NRROS: variants seen among roughly 807,000 people sequenced by gnomAD.
NRROS encodes the protein transforming growth factor beta activator LRRC33.
Under a neutral mutation model 12.0 loss-of-function variants are expected in NRROS, and 6 were observed. The observed-to-expected ratio is 0.50, with a 90% CI of 0.27 to 0.98. NRROS has a LOEUF of 0.98. Ranked by LOEUF, NRROS falls within the 50% of genes least tolerant of loss-of-function variation. NRROS has a pLI of 0.11. For synonymous variants in NRROS, 462 were observed against 410.2 expected (o/e 1.13, Z -1.53); for missense variants, 857 against 888.2 (o/e 0.96, Z 0.45).
chr3:196,660,619 G>C lies in NRROS; in HGVS notation c.976G>C (p.Asp326His). Residue 326 changes from aspartate to histidine, a missense_variant, in exon 3 of 3, where the codon GAC becomes CAC. Transcript: ENST00000328557. The surrounding 1 kb of genome is among the most constrained non-coding windows in gnomAD (Gnocchi z 7.7). ...CCTCTGGGAAGAATTCTCCTCCAGCGACCTCGCAGATCTCCGCTTCCTGGA... is the reference window on the plus strand; with the variant it reads ...CCTCTGGGAAGAATTCTCCTCCAGCCACCTCGCAGATCTCCGCTTCCTGGA... The part of the protein sequence containing the change: ...VSLWEEFSSS[D>H]LADLRFLDMS... 1 of 1,614,174 alleles carries C rather than the reference G, an allele frequency of 6.2e-7. No individual in the cohort carries two copies.
At chr3:196,641,760 C>T (rs746607447) in intron 1 of NRROS, among the ~76,000 whole-genome samples, 3 of 152,148 alleles carry the variant, frequency 2.0e-5, no homozygotes, top group East Asian at 1.9e-4. Context: ...ATTCTGGCTG[C>T]GGTGTGCGTC....
At chr3:196,651,278 C>T (rs1737419303) in intron 1 of NRROS, among the ~76,000 whole-genome samples, 1 of 152,106 alleles carries the variant, frequency 6.6e-6, no homozygotes, top group Non-Finnish European at 1.5e-5. Context: ...TGGGTCTTGG[C>T]CATTCTCACA....
At chr3:196,649,886 C>T (rs1455037127) in intron 1 of NRROS, among the ~76,000 whole-genome samples, 3 of 152,148 alleles carry the variant, frequency 2.0e-5, no homozygotes, top group South Asian at 2.1e-4. Context: ...TTCTTAACTA[C>T]GTGGTAACAT....
chr3:196,651,556 C>T (rs1412491337), intron 1 of NRROS, among the ~76,000 whole-genome samples: 1 of 152,132 alleles, frequency 6.6e-6, no homozygotes, highest in African/African-American at 2.4e-5. Context: ...CACCTGAGGT[C>T]ATGAGATTGA....
intron 2 of NRROS, among the ~76,000 whole-genome samples, chr3:196,659,469 G>A (rs567510144): frequency 1.3e-5 from 2 of 151,828 alleles, no homozygotes; most frequent in South Asian, 2.1e-4. Flanking sequence ...CACCACACCC[G>A]GCTAGTTTTT....
chr3:196,660,630 T>G lies in NRROS; in HGVS notation c.987T>G (p.Asp329Glu). 6.2e-7 allele frequency: 1 copy of G among 1,614,188 alleles called. No individual in the cohort carries two copies. Among genetic ancestry groups the G allele is most frequent in the Non-Finnish European group, 8.5e-7 (1 of 1,180,028 alleles). Residue 329 changes from aspartate (D) to glutamate (E), a missense_variant, in exon 3 of 3, where the codon GAT becomes GAG. Transcript: ENST00000328557. This position sits in a 1 kb window ranked among gnomAD's most constrained non-coding sequence, Gnocchi z 7.7. ...AATTCTCCTCCAGCGACCTCGCAGA[T>G]CTCCGCTTCCTGGACATGAGCCAGA... is the stretch of plus-strand genomic sequence containing the variant. ...WEEFSSSDLA[D>E]LRFLDMSQNQ...
intron 2 of NRROS, among the ~76,000 whole-genome samples, chr3:196,657,330 G>C (rs1364512986): frequency 1.3e-5 from 2 of 152,142 alleles, no homozygotes; most frequent in African/African-American, 4.8e-5. Flanking sequence ...TGCAGCAGCT[G>C]TGGTGGAACA....
intron 1 of NRROS, among the ~76,000 whole-genome samples, chr3:196,641,046 C>T (rs746729040): frequency 2.6e-5 from 4 of 152,006 alleles, no homozygotes; most frequent in Non-Finnish European, 5.9e-5. Flanking sequence ...CCTCACACAC[C>T]TCTTAGGTTT....
At chr3:196,655,253 A>AG (rs1482794416) in intron 2 of NRROS, among the ~76,000 whole-genome samples, 2 of 133,088 alleles carry the variant, frequency 1.5e-5, no homozygotes, top group Non-Finnish European at 3.2e-5. Flanking sequence ...AAAAAAAAAA[A>AG]GCCAGGCGCG....
In NRROS at chr3:196,654,698, C is replaced by A; in HGVS notation, c.108+51C>A. ...GTCGGCTGCTCCTGTCCTGACAAGG[C>A]TTGGTCCATTTGGAAAGCTGACAGA... On this transcript the variant is annotated intron_variant, in intron 2 of 2. Transcript: ENST00000328557. The surrounding 1 kb of genome is among the most constrained non-coding windows in gnomAD (Gnocchi z 4.4). 1.7e-6 allele frequency: 2 copies of A among 1,172,904 alleles called. No homozygotes were observed. Among genetic ancestry groups the A allele is most frequent in the Non-Finnish European group, 2.5e-6 (2 of 802,888 alleles). The allele number at this position is 1,172,904 out of a possible 1,614,324, so 72.7% of individuals were successfully genotyped here. A position where few individuals can be genotyped will look rare whatever the true frequency, so the allele number is the denominator to read the frequency against.
chr3:196,661,719 C>G lies in NRROS; in HGVS notation c.2076C>G (p.Tyr692Ter). The change falls in exon 3 of 3, where the codon TAC (tyrosine) becomes TAG (stop). Residue 692 changes from tyrosine to a stop codon, truncating the protein, a stop_gained. Coordinates refer to ENST00000328557, the MANE Select transcript of NRROS (RefSeq NM_198565.3). LOFTEE classifies it high-confidence loss of function. ...IKSRCHWSSV[Y>*] Reference sequence around the variant, plus strand: ...GCCGCTGCCACTGGTCCTCCGTTTACTGACCTGGCTGTGTGCCAAGACTCG... The same window carrying G: ...GCCGCTGCCACTGGTCCTCCGTTTAGTGACCTGGCTGTGTGCCAAGACTCG... The G allele has an allele frequency of 6.3e-7, 1 of 1,582,302 alleles. No individual in the cohort carries two copies. The highest frequency in any genetic ancestry group is 8.6e-7 in the Non-Finnish European group (1 of 1,167,190).
intron 1 of NRROS, among the ~76,000 whole-genome samples, chr3:196,644,697 C>T (rs1282062105): frequency 6.7e-6 from 1 of 150,064 alleles, no homozygotes; most frequent in South Asian, 2.1e-4. Context: ...CTCTTGAACC[C>T]CGGAGGCAGA....
chr3:196,643,891 C>G (rs745875038), intron 1 of NRROS, among the ~76,000 whole-genome samples: 31 of 152,280 alleles, frequency 2.0e-4, no homozygotes, highest in Middle Eastern at 3.4e-3. Context: ...CTGTGGTCGT[C>G]AGACACCAAG....
Position 196,660,408 on chromosome 3 carries a change from G to A in NRROS, c.765G>A (p.Leu255=), listed in dbSNP as rs774279845. ...GGEAAFELET[L]DLSHNQLLFF... ...AGGCTGCCTTCGAGCTGGAGACGCTGGACCTGTCTCACAACCAGCTGCTGT... is the reference window on the plus strand; with the variant it reads ...AGGCTGCCTTCGAGCTGGAGACGCTAGACCTGTCTCACAACCAGCTGCTGT... The change falls in exon 3 of 3, where the codon CTG becomes CTA. Residue 255 remains leucine, a synonymous_variant. Coordinates refer to ENST00000328557, the MANE Select transcript of NRROS (RefSeq NM_198565.3). This position sits in a 1 kb window ranked among gnomAD's most constrained non-coding sequence, Gnocchi z 7.7. 1.5e-5 allele frequency: 25 copies of A among 1,613,772 alleles called. No homozygotes were observed. The highest frequency in any genetic ancestry group is 7.7e-5 in the South Asian group (7 of 91,076).
At chr3:196,641,337 C>G (rs1057417605) in intron 1 of NRROS, among the ~76,000 whole-genome samples, 3 of 152,128 alleles carry the variant, frequency 2.0e-5, no homozygotes, top group Non-Finnish European at 4.4e-5. Flanking sequence ...CTTCAGTCAC[C>G]TGAGGAGCTA....
At chr3:196,642,853 G>C (rs111646217) in intron 1 of NRROS, among the ~76,000 whole-genome samples, 1 of 152,050 alleles carries the variant, frequency 6.6e-6, no homozygotes, top group Non-Finnish European at 1.5e-5. Flanking sequence ...GGGTGGATCA[G>C]GAGGTCAGGA....
intron 1 of NRROS, 56 bp downstream of exon 1, chr3:196,639,931 G>A (rs1281068973): frequency 6.6e-6 from 1 of 152,370 alleles, no homozygotes; most frequent in African/African-American, 2.4e-5. Flanking sequence ...CCTTCTCCAG[G>A]TGGGCGAGCT....
At position 196,660,618 on chromosome 3, in the gene NRROS, C is replaced by T. The variant is rs369822583; in HGVS notation, c.975C>T (p.Ser325=). The T allele has an allele frequency of 1.2e-6, 2 of 1,614,068 alleles. No homozygotes were observed. The highest frequency in any genetic ancestry group is 3.3e-5 in the Admixed American group (2 of 59,984). Residue 325 remains serine (S), a synonymous_variant, in exon 3 of 3, where the codon AGC becomes AGT. Coordinates refer to ENST00000328557, the MANE Select transcript of NRROS (RefSeq NM_198565.3). This position sits in a 1 kb window ranked among gnomAD's most constrained non-coding sequence, Gnocchi z 7.7. ...TVSLWEEFSS[S]DLADLRFLDM... is the part of the protein sequence containing the mutation. ...GCCTCTGGGAAGAATTCTCCTCCAG[C>T]GACCTCGCAGATCTCCGCTTCCTGG... is the stretch of plus-strand genomic sequence containing the variant.
chr3:196,650,287 G>A (rs890328368), intron 1 of NRROS, among the ~76,000 whole-genome samples: 1 of 152,164 alleles, frequency 6.6e-6, no homozygotes, highest in Non-Finnish European at 1.5e-5. Flanking sequence ...GGGATTACAG[G>A]CATCCGCCAC....
Sources: allele counts gnomAD v4.1 joint callset (sites outside exome capture counted in the v4.1 genomes callset), GRCh38; gene constraint gnomAD v4.1.1; non-coding constraint Gnocchi (gnomAD v3.1); transcripts MANE v1.5; gene names NCBI Gene and HGNC (gene_info 2026-07-23, HGNC 2026-07-21).